The following COL9A1 variants were observed in gnomAD, a reference collection of about 807,000 sequenced individuals.
The protein encoded by COL9A1 is collagen type IX alpha 1 chain.
A neutral mutation model predicts 142.6 loss-of-function variants in COL9A1; 104 were observed. The observed-to-expected ratio is 0.73, with a 90% CI of 0.62 to 0.86. The LOEUF is 0.86. Among genes scored for constraint, COL9A1 ranks in the 40% least tolerant of loss-of-function variants. The pLI, the probability that COL9A1 is intolerant of heterozygous loss-of-function variation, is 0.00. For missense variants in COL9A1, 1,210 were observed against 1,176.6 expected, an observed-to-expected ratio of 1.03 and a Z score of -0.42; for synonymous variants, 466 against 396.0, an observed-to-expected ratio of 1.18 and a Z score of -2.10.
intron 10 of COL9A1, chr6:70,280,096 A>C (rs1383022023): frequency 3.2e-6 from 2 of 634,230 alleles, no homozygotes; most frequent in Non-Finnish European, 5.9e-6. Context: ...ACTCTGAAGA[A>C]GTATTATTTA....
chr6:70,261,574 T>C (rs1426808377), intron 19 of COL9A1, among the ~76,000 whole-genome samples: 1 of 152,118 alleles, frequency 6.6e-6, no homozygotes, highest in Non-Finnish European at 1.5e-5. Context: ...TTAGAGAAAA[T>C]GGGGCAAGTC....
Position 70,281,011 on chromosome 6 carries a change from C to T in COL9A1, c.905G>A (p.Gly302Asp). 1 of 1,613,204 alleles carries T rather than the reference C, an allele frequency of 6.2e-7. No individual in the cohort carries two copies. Among genetic ancestry groups the T allele is most frequent in the Non-Finnish European group, 8.5e-7 (1 of 1,179,652 alleles). The change falls in exon 9 of 38, where the codon GGC becomes GAC. Residue 302 changes from glycine to aspartate, a missense_variant. By Grantham distance (94) the Gly-to-Asp change is moderately conservative. Transcript: ENST00000357250. ...ATGCTCCAATCAACTTACCGGGGGG[C>T]CCGGGGGGCCCTTAGGACCTCGGTC... is the stretch of plus-strand genomic sequence containing the variant. ...DGDRGPKGPP[G>D]PPGPAGEPGK...
intron 4 of COL9A1, among the ~76,000 whole-genome samples, chr6:70,295,000 G>T (rs1402324045): frequency 2.0e-5 from 3 of 152,262 alleles, no homozygotes; most frequent in African/African-American, 7.2e-5. Context: ...TTTAATTAAA[G>T]CAGCTAGCAG....
At chr6:70,264,093 T>C (rs1771868665) in intron 18 of COL9A1, among the ~76,000 whole-genome samples, 2 of 152,000 alleles carry the variant, frequency 1.3e-5, no homozygotes. Context: ...TCTACCGATC[T>C]ACTATATGAT....
Position 70,283,735 on chromosome 6 carries a change from A to G in COL9A1, c.780+2T>C. The G allele has an allele frequency of 6.2e-7, 1 of 1,609,710 alleles. No individual in the cohort carries two copies. Among genetic ancestry groups the G allele is most frequent in the East Asian group, 2.2e-5 (1 of 44,814 alleles). On this transcript the variant is annotated splice_donor_variant, in intron 6 of 37. Transcript: ENST00000357250. LOFTEE classifies it high-confidence loss of function. ...GCCTTTGCAGGTAGTCAGGGGACTC[A>G]CCGTTATTCTGGCTGGCAGCTCATG...
chr6:70,266,796 T>A, intron 17 of COL9A1, 26 bp from the exon 18 acceptor site: 3 of 1,600,008 alleles, frequency 1.9e-6, no homozygotes, highest in Non-Finnish European at 2.6e-6. Context: ...TAAGTAATTG[T>A]CTTGAGTTTG....
chr6:70,218,044 G>A (rs962873291), intron 37 of COL9A1, among the ~76,000 whole-genome samples: 1 of 152,188 alleles, frequency 6.6e-6, no homozygotes. Flanking sequence ...TCAGGAGGCT[G>A]AGGCAGGAGA....
At chr6:70,262,420 A>G (rs967880421) in intron 19 of COL9A1, among the ~76,000 whole-genome samples, 1 of 152,228 alleles carries the variant, frequency 6.6e-6, no homozygotes, top group Non-Finnish European at 1.5e-5. Flanking sequence ...TAATCTGCAC[A>G]GCTCGCTGAA....
chr6:70,271,280 A>G (rs1283268690), intron 14 of COL9A1, among the ~76,000 whole-genome samples: 2 of 152,192 alleles, frequency 1.3e-5, no homozygotes, highest in African/African-American at 4.8e-5. Flanking sequence ...CTGAATTATA[A>G]TTTAATGATC....
chr6:70,279,779 T>C, intron 10 of COL9A1: 1 of 431,464 alleles, frequency 2.3e-6, no homozygotes, highest in Non-Finnish European at 4.2e-6. Flanking sequence ...AAAAATCCAG[T>C]TATTTATTTT....
At chr6:70,251,825 T>C (rs1053404583) in intron 28 of COL9A1, among the ~76,000 whole-genome samples, 2 of 152,250 alleles carry the variant, frequency 1.3e-5, no homozygotes, top group Admixed American at 6.5e-5. Context: ...GTGAATTATA[T>C]AGTATGTGAA....
At chr6:70,289,296 AT>A (rs34360468) in intron 5 of COL9A1, among the ~76,000 whole-genome samples, 80 of 152,186 alleles carry the variant, frequency 5.3e-4, no homozygotes, top group African/African-American at 1.9e-3. Flanking sequence ...TAGCACACTG[AT>A]TTTTTTTATT....
intron 28 of COL9A1, among the ~76,000 whole-genome samples, chr6:70,251,527 A>G (rs923416344): frequency 6.6e-6 from 1 of 152,218 alleles, no homozygotes; most frequent in African/African-American, 2.4e-5. Flanking sequence ...AACCTGGGTG[A>G]TTGAGAGACA....
intron 20 of COL9A1, among the ~76,000 whole-genome samples, chr6:70,259,528 T>A (rs1368782197): frequency 6.6e-6 from 1 of 152,176 alleles, no homozygotes; most frequent in East Asian, 1.9e-4. Context: ...ATGATGATGC[T>A]GTGATGATAA....
intron 10 of COL9A1, among the ~76,000 whole-genome samples, chr6:70,278,350 C>G (rs1416945049): frequency 6.6e-6 from 1 of 152,148 alleles, no homozygotes; most frequent in Non-Finnish European, 1.5e-5. Flanking sequence ...GTTATCTTAG[C>G]TACTAAATAG....
At chr6:70,298,519 C>A (rs898806927) in intron 4 of COL9A1, among the ~76,000 whole-genome samples, 1 of 152,006 alleles carries the variant, frequency 6.6e-6, no homozygotes, top group Non-Finnish European at 1.5e-5. Flanking sequence ...ATTTTTTAGT[C>A]CTTATGGGGG....
At chr6:70,242,255 C>G (rs1051689410) in intron 29 of COL9A1, 1 of 604,110 alleles carries the variant, frequency 1.7e-6, no homozygotes, top group East Asian at 3.0e-5. Context: ...CCTCAGTTCC[C>G]CTTGCACTCC....
chr6:70,238,674 GTA>G (rs1562295234), intron 33 of COL9A1, among the ~76,000 whole-genome samples: 1 of 152,038 alleles, frequency 6.6e-6, no homozygotes, highest in African/African-American at 2.4e-5. Flanking sequence ...GTATTACCAT[GTA>G]ACACTCATTG....
At chr6:70,262,323 G>T (rs557651972) in intron 19 of COL9A1, among the ~76,000 whole-genome samples, 1 of 152,150 alleles carries the variant, frequency 6.6e-6, no homozygotes, top group Non-Finnish European at 1.5e-5. Flanking sequence ...TTCTCATGTG[G>T]CTTGAAAGCA....
Sources: allele counts gnomAD v4.1 joint callset (sites outside exome capture counted in the v4.1 genomes callset), GRCh38; gene constraint gnomAD v4.1.1; transcripts MANE v1.5; gene names NCBI Gene and HGNC (gene_info 2026-07-23, HGNC 2026-07-21).